Variants in ASAP1 observed in about 807,000 individuals in gnomAD.
ASAP1 encodes the protein ArfGAP with SH3 domain, ankyrin repeat and PH domain 1.
In ASAP1, 43 loss-of-function variants were observed where a neutral mutation model predicts 145.2. The ratio of observed to expected loss-of-function variants is 0.30; its 90% CI spans 0.23 to 0.38. The LOEUF is 0.38. ASAP1 is among the 10% of genes least tolerant of loss of function. The pLI is 1.00. For missense variants in ASAP1, 1,018 were observed against 1,355.3 expected (o/e 0.75, Z 3.91); for synonymous variants, 546 against 515.5 (o/e 1.06, Z -0.80).
rs1813416825 is a variant in ASAP1, at chr8:130,169,301, G to A, written c.747-234C>T. ...AAATTATGGCTGTCAGTTGACATTT[G>A]ATAGAAGATATCACAAGGACACTGG... On this transcript the variant is annotated intron_variant, in intron 9 of 29. Transcript: ENST00000518721. Among the ~76,000 whole-genome samples, 4 of 152,174 alleles carry A rather than the reference G, an allele frequency of 2.6e-5. No homozygotes were observed. The South Asian group carries it at 8.3e-4, about 32-fold the overall frequency.
chr8:130,094,263 T>A (rs1352077439), intron 24 of ASAP1, among the ~76,000 whole-genome samples: 1 of 152,184 alleles, frequency 6.6e-6, no homozygotes, highest in Non-Finnish European at 1.5e-5. Context: ...CTGCTTGGAG[T>A]GCAGTGGCAA....
At chr8:130,357,700 G>A (rs1292875766) in intron 3 of ASAP1, among the ~76,000 whole-genome samples, 2 of 152,234 alleles carry the variant, frequency 1.3e-5, no homozygotes, top group African/African-American at 4.8e-5. Context: ...TTACAGGAGG[G>A]TCACGAAGAT....
intron 3 of ASAP1, among the ~76,000 whole-genome samples, chr8:130,339,608 T>C (rs1825251906): frequency 6.6e-6 from 1 of 152,170 alleles, no homozygotes. Flanking sequence ...AAAATCATCT[T>C]AGGGCTCAAA....
At chr8:130,117,336 A>C (rs1257114883) in intron 20 of ASAP1, among the ~76,000 whole-genome samples, 2 of 152,220 alleles carry the variant, frequency 1.3e-5, no homozygotes, top group African/African-American at 4.8e-5. Flanking sequence ...GCTTGCTTTC[A>C]AGATTTTCAA....
chr8:130,354,044 C>T (rs778965094), intron 3 of ASAP1, among the ~76,000 whole-genome samples: 4 of 151,968 alleles, frequency 2.6e-5, no homozygotes, highest in South Asian at 2.1e-4. Flanking sequence ...CCTGACAACA[C>T]GCCCAGCTAA....
At chr8:130,256,761 A>ATATATCCT (rs1554860248) in intron 3 of ASAP1, among the ~76,000 whole-genome samples, 4 of 98,150 alleles carry the variant, frequency 4.1e-5, no homozygotes, top group African/African-American at 1.4e-4. Context: ...ATATATATAT[A>ATATATCCT]TATATATATA....
chr8:130,396,311 T>A (rs1385198157), intron 2 of ASAP1, among the ~76,000 whole-genome samples: 1 of 152,226 alleles, frequency 6.6e-6, no homozygotes, highest in Non-Finnish European at 1.5e-5. Context: ...ATTCATGTAT[T>A]TCCCCAGGTT....
chr8:130,124,737 T>A (rs372653731), intron 17 of ASAP1, among the ~76,000 whole-genome samples: 4 of 152,314 alleles, frequency 2.6e-5, no homozygotes, highest in African/African-American at 9.6e-5. Flanking sequence ...CATGCAACCA[T>A]GTCTTTGAGG....
chr8:130,415,201 G>C (rs1173696941), intron 1 of ASAP1, among the ~76,000 whole-genome samples: 2 of 152,226 alleles, frequency 1.3e-5, no homozygotes, highest in African/African-American at 4.8e-5. Flanking sequence ...TGGGAAACTG[G>C]GGATGCCTTT....
At chr8:130,082,462 A>G (rs2135340950) in intron 25 of ASAP1, among the ~76,000 whole-genome samples, 1 of 149,492 alleles carries the variant, frequency 6.7e-6, no homozygotes, top group African/African-American at 2.4e-5. Flanking sequence ...TTGGCCTCCC[A>G]AAGTGTTAGG....
intron 27 of ASAP1, 58 bp from the exon 28 acceptor site, chr8:130,061,127 G>A (rs779430448): frequency 1.1e-5 from 16 of 1,514,652 alleles, no homozygotes; most frequent in Non-Finnish European, 1.4e-5. Flanking sequence ...TTTCCTGTCA[G>A]TCACCTAAAA....
At chr8:130,107,653 T>A (rs1564966324) in intron 24 of ASAP1, among the ~76,000 whole-genome samples, 1 of 152,092 alleles carries the variant, frequency 6.6e-6, no homozygotes, top group Non-Finnish European at 1.5e-5. Context: ...GTTCAAGCAA[T>A]TCTCCTGCCT....
intron 24 of ASAP1, among the ~76,000 whole-genome samples, chr8:130,104,449 T>C (rs2097533799): frequency 6.6e-6 from 1 of 152,254 alleles, no homozygotes; most frequent in Admixed American, 6.5e-5. Flanking sequence ...TCCTCCGTCC[T>C]TTGTTCTCTG....
rs187160523 is a variant in ASAP1 at position 130,261,266 on chromosome 8, T to C, written c.187-24272A>G. ...TCATAGCCCCTAAACACAGGCCAGT[T>C]ACTTTGGTGCTCAAATGAATAAATA... On this transcript the variant is annotated intron_variant, in intron 3 of 29. Coordinates refer to ENST00000518721, the MANE Select transcript of ASAP1 (RefSeq NM_018482.4). Among the ~76,000 whole-genome samples, 249 of 152,348 alleles carry C rather than the reference T, an allele frequency of 1.6e-3. 2 individuals are homozygous for C. The highest frequency in any genetic ancestry group is 9.8e-4 in the Non-Finnish European group (67 of 68,034).
intron 3 of ASAP1, among the ~76,000 whole-genome samples, chr8:130,289,417 AT>A (rs1400114790): frequency 1.3e-5 from 2 of 152,190 alleles, no homozygotes; most frequent in African/African-American, 4.8e-5. Context: ...ACATGAGAAT[AT>A]TCTTTAAAAT....
At position 130,344,261 on chromosome 8, in the gene ASAP1, C is replaced by A. The variant is rs187376068; in HGVS notation, c.186+13756G>T. Among the ~76,000 whole-genome samples, 7 of 152,068 alleles carry A rather than the reference C, an allele frequency of 4.6e-5. No individual in the cohort carries two copies. In the East Asian group the frequency reaches 1.2e-3, roughly 25 times the overall value. Reference sequence around the variant, plus strand: ...TCAACATACAGATCTCATACAGATCCGTTTAAATAAACCATTTTTTTTTAA... The same window carrying A: ...TCAACATACAGATCTCATACAGATCAGTTTAAATAAACCATTTTTTTTTAA... On this transcript the variant is annotated intron_variant, in intron 3 of 29. Coordinates refer to ENST00000518721, the MANE Select transcript of ASAP1 (RefSeq NM_018482.4).
chr8:130,243,985 T>C (rs1281103918), intron 3 of ASAP1, among the ~76,000 whole-genome samples: 1 of 152,146 alleles, frequency 6.6e-6, no homozygotes, highest in Admixed American at 6.5e-5. Context: ...GTGCAGTAAA[T>C]ATCTATTATT....
At chr8:130,212,162 G>A (rs1816625215) in intron 5 of ASAP1, among the ~76,000 whole-genome samples, 1 of 152,108 alleles carries the variant, frequency 6.6e-6, no homozygotes, top group African/African-American at 2.4e-5. Context: ...TAAACTCCTG[G>A]GACTGCCTTT....
At chr8:130,188,341 T>G (rs533194931) in intron 5 of ASAP1, among the ~76,000 whole-genome samples, 158 bp from the exon 6 acceptor site, 48 of 152,216 alleles carry the variant, frequency 3.2e-4, no homozygotes, top group South Asian at 6.2e-4. Context: ...CTCTGTAGGT[T>G]AGGCGACACA....
Sources: allele counts gnomAD v4.1 joint callset (sites outside exome capture counted in the v4.1 genomes callset), GRCh38; gene constraint gnomAD v4.1.1; transcripts MANE v1.5; gene names NCBI Gene and HGNC (gene_info 2026-07-23, HGNC 2026-07-21).